Variants in PLA2G4F observed in about 807,000 individuals in gnomAD.
The protein encoded by PLA2G4F is phospholipase A2 group IVF.
A neutral mutation model predicts 103.1 loss-of-function variants in PLA2G4F; 105 were observed. The observed-to-expected ratio is 1.02, with a 90% CI of 0.87 to 1.20. PLA2G4F has a LOEUF of 1.20. Ranked by LOEUF, PLA2G4F falls within the 50% of genes most tolerant of loss-of-function variation. The pLI is 0.00. For missense variants in PLA2G4F, 1,155 were observed against 1,075.9 expected (o/e 1.07, Z -1.03); for synonymous variants, 468 against 441.1 (o/e 1.06, Z -0.76).
intron 16 of PLA2G4F, 151 bp from the exon 17 acceptor site, chr15:42,144,795 G>T: frequency 1.3e-6 from 1 of 789,674 alleles, no homozygotes; most frequent in Non-Finnish European, 1.8e-6. Flanking sequence ...TCTGACCAAT[G>T]CTTCATTGAA....
intron 5 of PLA2G4F, 89 bp from the exon 6 acceptor site, chr15:42,153,431 G>T: frequency 6.5e-7 from 1 of 1,537,954 alleles, no homozygotes; most frequent in Non-Finnish European, 9.0e-7. Context: ...AGCGGGCAGA[G>T]CATGAGGAAC....
intron 19 of PLA2G4F, 123 bp downstream of exon 19, chr15:42,142,405 G>GA (rs2141124222): frequency 7.8e-7 from 1 of 1,282,858 alleles, no homozygotes; most frequent in South Asian, 1.5e-5. Context: ...GGCCACAGGG[G>GA]CCAGCTCAGG....
In PLA2G4F at chr15:42,144,696, C is replaced by A. The variant is rs2048863468; in HGVS notation, c.1781-52G>T. On this transcript the variant is annotated intron_variant, in intron 16 of 19. Coordinates refer to ENST00000397272, the MANE Select transcript of PLA2G4F (RefSeq NM_213600.4). ...GAGGGGAAAGTGGCATCCTCCTTTG[C>A]CCAGTGGTCCTTATAGTTCAGGGGT... is the stretch of plus-strand genomic sequence containing the variant. 6.1e-6 allele frequency: 9 copies of A among 1,486,810 alleles called. No homozygotes were observed. The East Asian group carries it at 2.1e-4, about 35-fold the overall frequency. The allele number at this position is 1,486,810 out of a possible 1,614,324, so 92.1% of individuals were successfully genotyped here. A position where few individuals can be genotyped will look rare whatever the true frequency, so the allele number is the denominator to read the frequency against.
In PLA2G4F at chr15:42,140,595, A is replaced by G. The variant is rs1207875768; in HGVS notation, c.*1389T>C. 1 of 152,396 alleles carries G rather than the reference A, an allele frequency of 6.6e-6. No homozygotes were observed. Among genetic ancestry groups the G allele is most frequent in the Non-Finnish European group, 1.5e-5 (1 of 68,238 alleles). 9.4% of individuals were successfully genotyped at this position (152,396 alleles called of 1,614,324 possible). A position where few individuals can be genotyped will look rare whatever the true frequency, so the allele number is the denominator to read the frequency against. ...ATAACTGGCTCCCCCAGCCCTCGCAACTCATGCCAGCTGGAGGGCTGCAGA... is the reference window on the plus strand; with the variant it reads ...ATAACTGGCTCCCCCAGCCCTCGCAGCTCATGCCAGCTGGAGGGCTGCAGA... On this transcript the variant is annotated 3_prime_UTR_variant, in exon 20 of 20. Transcript: ENST00000397272.
chr15:42,153,275 C>T (rs200401032), intron 6 of PLA2G4F, 25 bp downstream of exon 6: 8 of 1,612,194 alleles, frequency 5.0e-6, no homozygotes, highest in African/African-American at 1.3e-5. Context: ...CCCAGAACAG[C>T]GCCAAGCTTG....
intron 7 of PLA2G4F, chr15:42,151,708 C>T: frequency 2.1e-6 from 2 of 939,406 alleles, no homozygotes; most frequent in Non-Finnish European, 2.5e-6. Context: ...CATGCCAAGG[C>T]CTATGGACTG....
At chr15:42,145,110 G>A (rs1174564269) in intron 16 of PLA2G4F, among the ~76,000 whole-genome samples, 1 of 152,214 alleles carries the variant, frequency 6.6e-6, no homozygotes. Flanking sequence ...GACGACGACA[G>A]GGATGTGCAC....
At chr15:42,152,539 T>C in intron 7 of PLA2G4F, 149 bp downstream of exon 7, 1 of 834,380 alleles carries the variant, frequency 1.2e-6, no homozygotes, top group Non-Finnish European at 2.0e-6. Context: ...GGTTGTTCAC[T>C]GCCTCCAGTG....
At chr15:42,145,179 A>G (rs943174229) in intron 16 of PLA2G4F, among the ~76,000 whole-genome samples, 2 of 152,220 alleles carry the variant, frequency 1.3e-5, no homozygotes, top group African/African-American at 2.4e-5. Flanking sequence ...ATGGAGTGGA[A>G]AAGGGATGTC....
Position 42,141,342 on chromosome 15 carries a change from T to A in PLA2G4F, c.*642A>T. The A allele has an allele frequency of 6.6e-6, 3 of 456,576 alleles. No individual in the cohort carries two copies. Among genetic ancestry groups the A allele is most frequent in the Non-Finnish European group, 1.3e-5 (3 of 226,954 alleles). 28.3% of individuals were successfully genotyped at this position (456,576 alleles called of 1,614,324 possible). A position where few individuals can be genotyped will look rare whatever the true frequency, so the allele number is the denominator to read the frequency against. On this transcript the variant is annotated 3_prime_UTR_variant, in exon 20 of 20. Coordinates refer to ENST00000397272, the MANE Select transcript of PLA2G4F (RefSeq NM_213600.4). ...CATCTCCCACCTGGAGCAGCCAGAA[T>A]GGGACATCACCCCACAGGCTTTAGG...
At chr15:42,146,560 T>TA in intron 13 of PLA2G4F, 1 of 287,692 alleles carries the variant, frequency 3.5e-6, no homozygotes, top group South Asian at 6.5e-5. Flanking sequence ...CCAATTTCTT[T>TA]AAAAAATAAA....
chr15:42,145,708 C>T (rs1331052995), intron 15 of PLA2G4F, 26 bp from the exon 16 acceptor site: 1 of 1,613,726 alleles, frequency 6.2e-7, no homozygotes, highest in East Asian at 2.2e-5. Flanking sequence ...GGCCCCCACC[C>T]CACGTCAGGG....
At chr15:42,152,802 C>A in intron 6 of PLA2G4F, 48 bp from the exon 7 acceptor site, 3 of 1,528,148 alleles carry the variant, frequency 2.0e-6, no homozygotes, top group Non-Finnish European at 2.7e-6. Context: ...ACGGCCCCAG[C>A]CAGGATGGAG....
intron 6 of PLA2G4F, 37 bp from the exon 7 acceptor site, chr15:42,152,791 C>G: frequency 6.5e-7 from 1 of 1,543,862 alleles, no homozygotes; most frequent in Non-Finnish European, 8.8e-7. Flanking sequence ...CCAGACAGCC[C>G]ACGGCCCCAG....
In PLA2G4F at chr15:42,142,628, G is replaced by A. The variant is rs781222461; in HGVS notation, c.2229C>T (p.Ala743=). Residue 743 remains alanine (A), a synonymous_variant, in exon 19 of 20, where the codon GCC becomes GCT. Transcript: ENST00000397272. ...CCTTGGCAAACAGATAGCACTCACG[G>A]GCCTCCTCCATGTCCTCAGGGCCCA... ...IEVGPEDMEE[A]RECYLFAKAE... 15 of 1,614,020 alleles carry A rather than the reference G, an allele frequency of 9.3e-6. No homozygotes were observed. The highest frequency in any genetic ancestry group is 1.7e-5 in the Admixed American group (1 of 60,018).
At position 42,147,613 on chromosome 15, in the gene PLA2G4F, C is replaced by T; in HGVS notation, c.1196+13G>A. 1.2e-6 allele frequency: 2 copies of T among 1,613,772 alleles called. No individual in the cohort carries two copies. The highest frequency in any genetic ancestry group is 1.1e-5 in the South Asian group (1 of 91,068). ...GTCTCCTTTACCCTGTGCCCTGCCC[C>T]CACCTCACTTACCAGGTAGACCCAG... On this transcript the variant is annotated intron_variant, in intron 12 of 19. Coordinates refer to ENST00000397272, the MANE Select transcript of PLA2G4F (RefSeq NM_213600.4).
At chr15:42,154,277 C>T (rs769899749) in intron 3 of PLA2G4F, 45 bp downstream of exon 3, 28 of 1,610,938 alleles carry the variant, frequency 1.7e-5, no homozygotes, top group Non-Finnish European at 2.0e-5. Context: ...GGGTAGCTGC[C>T]TGAGGAGTTC....
Position 42,154,028 on chromosome 15 carries a change from T to A in PLA2G4F, c.450+64A>T, listed in dbSNP as rs139653003. The A allele has an allele frequency of 6.1e-5, 98 of 1,605,592 alleles. No homozygotes were observed. In the African/African-American group the frequency reaches 1.1e-3, roughly 19 times the overall value. ...CCTGTGCCGACCAGAGCCCCCTCTT[T>A]GGTGGCCCTGTGCTGGGCCTCCCCT... On this transcript the variant is annotated intron_variant, in intron 4 of 19. Transcript: ENST00000397272.
At chr15:42,154,036 C>A in intron 4 of PLA2G4F, 56 bp downstream of exon 4, 1 of 1,609,834 alleles carries the variant, frequency 6.2e-7, no homozygotes, top group Non-Finnish European at 8.5e-7. Flanking sequence ...TTTGGTGGCC[C>A]TGTGCTGGGC....
Sources: gnomAD v4.1 joint callset for allele counts (sites outside exome capture counted in the v4.1 genomes callset) on GRCh38, gnomAD v4.1.1 for gene constraint, MANE v1.5 for transcripts, NCBI Gene and HGNC (gene_info 2026-07-23, HGNC 2026-07-21) for gene names.